The following CADM2 variants were observed in gnomAD, a reference collection of about 807,000 sequenced individuals.
CADM2 encodes the protein cell adhesion molecule 2, also known as immunoglobulin superfamily member 4D.
CADM2 carries 12 observed loss-of-function variants against 49.8 expected under a neutral mutation model. The ratio of observed to expected loss-of-function variants is 0.24; its 90% confidence interval spans 0.15 to 0.39. The LOEUF is 0.39. Ranked by LOEUF, CADM2 falls within the 10% of genes least tolerant of loss-of-function variation. The pLI, the probability that CADM2 is intolerant of heterozygous loss-of-function variation, is 1.00. For missense variants in CADM2, 378 were observed against 492.3 expected (o/e 0.77, Z 2.20); for synonymous variants, 214 against 175.4 (o/e 1.22, Z -1.74).
chr3:85,926,365 C>A (rs1419849460), intron 6 of CADM2, among the ~76,000 whole-genome samples: 7 of 151,940 alleles, frequency 4.6e-5, no homozygotes, highest in African/African-American at 9.6e-5. Flanking sequence ...CTCTAACAAG[C>A]AAAAATATCT....
intron 1 of CADM2, among the ~76,000 whole-genome samples, chr3:85,258,837 A>G (rs1466143264): frequency 1.3e-5 from 2 of 152,120 alleles, no homozygotes; most frequent in African/African-American, 4.8e-5. Context: ...TATGTGTGCA[A>G]ACAAGAAGTT....
At chr3:85,298,453 A>C (rs934182858) in intron 1 of CADM2, among the ~76,000 whole-genome samples, 1 of 152,066 alleles carries the variant, frequency 6.6e-6, no homozygotes, top group Non-Finnish European at 1.5e-5. Context: ...CTTCATTGAA[A>C]ATGCATGTAT....
chr3:84,978,868 C>T (rs968979681), intron 1 of CADM2, among the ~76,000 whole-genome samples: 3 of 152,112 alleles, frequency 2.0e-5, no homozygotes, highest in African/African-American at 7.2e-5. Flanking sequence ...ACTTCTGTGG[C>T]ACTTTAGATT....
intron 2 of CADM2, among the ~76,000 whole-genome samples, chr3:85,735,113 A>C (rs563969964): frequency 1.3e-5 from 2 of 152,120 alleles, no homozygotes; most frequent in South Asian, 2.1e-4. Flanking sequence ...GAAATACATC[A>C]GTTTAAGAAA....
chr3:85,885,621 G>A (rs1351891315), intron 4 of CADM2, among the ~76,000 whole-genome samples: 1 of 148,202 alleles, frequency 6.7e-6, no homozygotes, highest in African/African-American at 2.5e-5. Flanking sequence ...GGTGGAGGTT[G>A]CAGTGAACAG....
At chr3:85,810,532 GTTTTTTTTTTTTTTTTTT>G (rs71112120) in intron 3 of CADM2, among the ~76,000 whole-genome samples, 1 of 87,176 alleles carries the variant, frequency 1.1e-5, no homozygotes, top group African/African-American at 4.4e-5. Context: ...ATAGAATTCT[GTTTTTTTTTTTTTTTTTT>G]TTTTTTGGAG....
chr3:85,565,205 C>A (rs1422718670), intron 1 of CADM2, among the ~76,000 whole-genome samples: 1 of 147,674 alleles, frequency 6.8e-6, no homozygotes, highest in Non-Finnish European at 1.5e-5. Context: ...GTGCATGTAT[C>A]TGTCAATCTG....
intron 7 of CADM2, among the ~76,000 whole-genome samples, chr3:85,956,610 C>T (rs776683067): frequency 1.1e-4 from 16 of 150,512 alleles, no homozygotes; most frequent in African/African-American, 1.2e-4. Flanking sequence ...CTATATCCTC[C>T]TGTTAACCAA....
chr3:85,407,412 C>T (rs1329002777), intron 1 of CADM2, among the ~76,000 whole-genome samples: 5 of 152,094 alleles, frequency 3.3e-5, no homozygotes, highest in Admixed American at 6.6e-5. Context: ...GTAGATACCT[C>T]GTTTCTTTTC....
chr3:85,295,903 A>T (rs148972312), intron 1 of CADM2, among the ~76,000 whole-genome samples: 10,212 of 151,670 alleles, frequency 0.067, 1,127 homozygotes, highest in African/African-American at 0.23. Context: ...AATGTGCACA[A>T]GTACCCTAAA....
intron 1 of CADM2, among the ~76,000 whole-genome samples, chr3:85,719,485 C>A (rs1478947278): frequency 9.2e-5 from 14 of 152,062 alleles, no homozygotes; most frequent in Admixed American, 9.2e-4. Flanking sequence ...TGAATTCACA[C>A]ATATTTTGTA....
At chr3:85,794,181 A>T (rs2071494715) in intron 2 of CADM2, among the ~76,000 whole-genome samples, 1 of 152,158 alleles carries the variant, frequency 6.6e-6, no homozygotes, top group Non-Finnish European at 1.5e-5. Flanking sequence ...TAAGGTTTTT[A>T]TGATTTAAAT....
intron 1 of CADM2, among the ~76,000 whole-genome samples, chr3:85,605,591 T>C (rs963102921): frequency 6.6e-6 from 1 of 152,108 alleles, no homozygotes. Context: ...TCTATGTTCC[T>C]GTGCTGCCTC....
chr3:85,575,625 A>G (rs1402489507), intron 1 of CADM2, among the ~76,000 whole-genome samples: 1 of 152,206 alleles, frequency 6.6e-6, no homozygotes, highest in African/African-American at 2.4e-5. Context: ...ACAGTATGCT[A>G]AATTTTTATG....
chr3:85,534,169 G>T (rs964859066), intron 1 of CADM2, among the ~76,000 whole-genome samples: 18 of 152,066 alleles, frequency 1.2e-4, no homozygotes, highest in Admixed American at 1.0e-3. Flanking sequence ...TGAAATTTGC[G>T]ATGTCTGATA....
chr3:84,982,655 T>C (rs2032251253), intron 1 of CADM2, among the ~76,000 whole-genome samples: 1 of 139,626 alleles, frequency 7.2e-6, no homozygotes, highest in South Asian at 2.3e-4. Flanking sequence ...TACTAAAATA[T>C]GAAATGGCAA....
intron 1 of CADM2, among the ~76,000 whole-genome samples, chr3:85,146,700 A>G (rs1249818991): frequency 6.6e-6 from 1 of 152,188 alleles, no homozygotes; most frequent in African/African-American, 2.4e-5. Context: ...ACTTTTGTGG[A>G]TGCATGCTTG....
At chr3:85,660,240 T>A (rs1163990871) in intron 1 of CADM2, among the ~76,000 whole-genome samples, 1 of 152,128 alleles carries the variant, frequency 6.6e-6, no homozygotes, top group South Asian at 2.1e-4. Context: ...CAGTCATTTC[T>A]AGTAGTTTCT....
intron 1 of CADM2, among the ~76,000 whole-genome samples, chr3:85,081,248 A>G (rs184923317): frequency 6.6e-6 from 1 of 152,250 alleles, no homozygotes; most frequent in Admixed American, 6.6e-5. Context: ...ACAAATACGC[A>G]TTGAAATCAG....
Sources: allele counts gnomAD v4.1 joint callset (sites outside exome capture counted in the v4.1 genomes callset), GRCh38; gene constraint gnomAD v4.1.1; transcripts MANE v1.5; gene names NCBI Gene and HGNC (gene_info 2026-07-23, HGNC 2026-07-21).